WDPCP: variants seen among roughly 807,000 people sequenced by gnomAD.
WDPCP encodes WD repeat-containing and planar cell polarity effector protein fritz homolog.
A neutral mutation model predicts 93.1 loss-of-function variants in WDPCP; 71 were observed. The ratio of observed to expected loss-of-function variants is 0.76; its 90% CI spans 0.63 to 0.93. The LOEUF is 0.93. Ranked by LOEUF, WDPCP falls within the 40% of genes least tolerant of loss-of-function variation. The pLI is 0.00. For missense variants in WDPCP, 844 were observed against 887.4 expected (o/e 0.95, Z 0.62); for synonymous variants, 315 against 315.0 (o/e 1.00, Z 0.00).
chr2:63,592,952 A>G (rs1436431394), upstream of WDPCP, among the ~76,000 whole-genome samples: 1 of 152,186 alleles, frequency 6.6e-6, no homozygotes, highest in Non-Finnish European at 1.5e-5. Context: ...AAAGAAGGGA[A>G]AATGACAGAA....
the WDPCP span, among the ~76,000 whole-genome samples, chr2:63,838,370 A>C: frequency 6.6e-6 from 1 of 152,230 alleles, no homozygotes; most frequent in Non-Finnish European, 1.5e-5. Flanking sequence ...TGGGTAAACC[A>C]AACTGAGTTT....
intron 14 of WDPCP, among the ~76,000 whole-genome samples, chr2:63,178,244 T>G (rs1314185985): frequency 2.0e-5 from 3 of 152,200 alleles, no homozygotes; most frequent in Non-Finnish European, 2.9e-5. Context: ...TTTGGGATTT[T>G]CCCTTCTTTT....
At chr2:63,755,835 C>T (rs752946364) in intron 2 of WDPCP, among the ~76,000 whole-genome samples, 34 of 152,286 alleles carry the variant, frequency 2.2e-4, no homozygotes, top group Non-Finnish European at 3.7e-4. Flanking sequence ...TCTACACACT[C>T]GCTGCCTGGA....
At chr2:63,536,147 T>G (rs1035427138) in intron 1 of WDPCP, among the ~76,000 whole-genome samples, 14 of 152,064 alleles carry the variant, frequency 9.2e-5, no homozygotes, top group Admixed American at 5.2e-4. Context: ...GAAATGCAAA[T>G]CAAAACCACA....
At chr2:63,657,701 C>A (rs1710184894) in intron 2 of WDPCP, among the ~76,000 whole-genome samples, 1 of 152,048 alleles carries the variant, frequency 6.6e-6, no homozygotes, top group Non-Finnish European at 1.5e-5. Flanking sequence ...TTAATTTGTT[C>A]CTGAAAACAT....
chr2:63,250,158 A>C (rs1458129713), intron 14 of WDPCP, among the ~76,000 whole-genome samples: 1 of 152,174 alleles, frequency 6.6e-6, no homozygotes, highest in African/African-American at 2.4e-5. Context: ...ATTATTAAGT[A>C]AAATACAGGT....
intron 1 of WDPCP, 87 bp downstream of exon 1, chr2:63,588,110 G>C (rs1708998549): frequency 6.8e-7 from 1 of 1,473,008 alleles, no homozygotes; most frequent in Non-Finnish European, 9.3e-7. Context: ...TCCGCACAGC[G>C]GATAAAAGCA....
chr2:63,832,976 G>C, the WDPCP span, among the ~76,000 whole-genome samples: 1 of 152,164 alleles, frequency 6.6e-6, no homozygotes, highest in African/African-American at 2.4e-5. Context: ...ACTCAGGCCG[G>C]GCACAGTGGC....
At chr2:63,800,013 C>G (rs556117462) in intron 2 of WDPCP, among the ~76,000 whole-genome samples, 12 of 151,916 alleles carry the variant, frequency 7.9e-5, no homozygotes, top group Middle Eastern at 3.4e-3. Flanking sequence ...TTTTTATGTT[C>G]TTCCTTGGTT....
chr2:63,569,586 C>T (rs1382865337), intron 1 of WDPCP, among the ~76,000 whole-genome samples: 1 of 152,214 alleles, frequency 6.6e-6, no homozygotes, highest in Non-Finnish European at 1.5e-5. Flanking sequence ...TGATATTGAA[C>T]ACCTGGCTTT....
chr2:63,597,606 A>AT, intron 3 of WDPCP: 4 of 1,331,322 alleles, frequency 3.0e-6, no homozygotes, highest in Non-Finnish European at 3.9e-6. Context: ...GGGATTTTTC[A>AT]TTATTAGCAT....
intron 3 of WDPCP, chr2:63,643,620 A>G (rs1258059956): frequency 6.7e-6 from 3 of 446,630 alleles, no homozygotes; most frequent in Non-Finnish European, 1.3e-5. Flanking sequence ...TGTGAACATC[A>G]TGAATCACCA....
chr2:63,494,775 C>A (rs955784197), intron 1 of WDPCP, among the ~76,000 whole-genome samples: 1 of 152,066 alleles, frequency 6.6e-6, no homozygotes. Flanking sequence ...AAAAAATTAG[C>A]CGGGCGTGGT....
chr2:63,375,032 C>T (rs1419786241), intron 12 of WDPCP, among the ~76,000 whole-genome samples: 2 of 152,014 alleles, frequency 1.3e-5, no homozygotes, highest in Non-Finnish European at 2.9e-5. Flanking sequence ...AATCACATAA[C>T]ACTATTTGAG....
At position 63,624,252 on chromosome 2, in the gene WDPCP, C is replaced by G. The variant is rs534652545; in HGVS notation, n.488+26407G>C. Among the ~76,000 whole-genome samples the G allele has an allele frequency of 1.1e-3, 169 of 152,168 alleles. 1 individual carries two copies. Among genetic ancestry groups the G allele is most frequent in the African/African-American group, 4.0e-3 (167 of 41,524 alleles). ...AAGTGGGAAAGATCTAAAATTGACA[C>G]CCTGACATCACAATTAAAAGAACTA... On this transcript the variant is annotated intron_variant and non_coding_transcript_variant, in intron 3 of 4. Transcript: ENST00000467687.
chr2:63,225,153 C>T (rs994274080), intron 14 of WDPCP, among the ~76,000 whole-genome samples: 2 of 151,510 alleles, frequency 1.3e-5, no homozygotes, highest in Non-Finnish European at 2.9e-5. Flanking sequence ...GCAGTACATA[C>T]ATTTAACAAA....
chr2:63,597,793 T>G, intron 3 of WDPCP: 1 of 339,642 alleles, frequency 2.9e-6, no homozygotes, highest in African/African-American at 2.1e-5. Context: ...ATTTTTCCTA[T>G]TAGTATAACG....
chr2:63,449,106 T>C (rs767743150), intron 6 of WDPCP, among the ~76,000 whole-genome samples: 38 of 152,154 alleles, frequency 2.5e-4, no homozygotes, highest in African/African-American at 8.7e-4. Flanking sequence ...AAACATCACA[T>C]TGTACCCCAT....
At chr2:63,164,609 CTGAG>C (rs1672839130) in intron 15 of WDPCP, among the ~76,000 whole-genome samples, 1 of 152,114 alleles carries the variant, frequency 6.6e-6, no homozygotes, top group African/African-American at 2.4e-5. Flanking sequence ...CCTGTACAGC[CTGAG>C]TAAGAGTGAG....
Sources: gnomAD v4.1 joint callset for allele counts (sites outside exome capture counted in the v4.1 genomes callset) on GRCh38, gnomAD v4.1.1 for gene constraint, MANE v1.5 for transcripts, NCBI Gene and HGNC (gene_info 2026-07-23, HGNC 2026-07-21) for gene names.